Variants in COX7B2 observed in about 807,000 individuals in gnomAD.
COX7B2 encodes cytochrome c oxidase subunit 7B2, mitochondrial.
For missense variants in COX7B2, 109 were observed against 95.9 expected, an observed-to-expected ratio of 1.14 and a Z score of -0.57; for synonymous variants, 37 against 32.1, an observed-to-expected ratio of 1.15 and a Z score of -0.51.
At chr4:46,901,142 T>C (rs1291462683) in intron 1 of COX7B2, among the ~76,000 whole-genome samples, 1 of 152,238 alleles carries the variant, frequency 6.6e-6, no homozygotes, top group Non-Finnish European at 1.5e-5. Context: ...CATTGAGGTA[T>C]GAAGGGTGGC....
intron 2 of COX7B2, among the ~76,000 whole-genome samples, chr4:46,809,663 A>G (rs1719187180): frequency 6.6e-6 from 1 of 151,936 alleles, no homozygotes. Flanking sequence ...ATACATTTTT[A>G]AAGAAATGTT....
intron 1 of COX7B2, among the ~76,000 whole-genome samples, chr4:46,882,240 C>T (rs1472544419): frequency 6.6e-6 from 1 of 152,010 alleles, no homozygotes; most frequent in African/African-American, 2.4e-5. Context: ...GAGTATGTAC[C>T]ATTTGGCGAC....
chr4:46,743,511 T>G (rs1714834964), intron 2 of COX7B2, among the ~76,000 whole-genome samples: 1 of 152,220 alleles, frequency 6.6e-6, no homozygotes, highest in Non-Finnish European at 1.5e-5. Context: ...TTGACAGTGA[T>G]TCCAATTGAA....
At chr4:46,813,413 C>G (rs1050533140) in intron 2 of COX7B2, among the ~76,000 whole-genome samples, 1 of 152,042 alleles carries the variant, frequency 6.6e-6, no homozygotes, top group Admixed American at 6.6e-5. Flanking sequence ...TTCAAAAGCA[C>G]AGATAATGAA....
chr4:46,752,595 C>A (rs748678861), intron 2 of COX7B2, among the ~76,000 whole-genome samples: 8 of 152,110 alleles, frequency 5.3e-5, no homozygotes, highest in Non-Finnish European at 1.2e-4. Context: ...TACATCCTAT[C>A]AATACCTAAT....
At chr4:46,794,836 C>A (rs1010420372) in intron 2 of COX7B2, among the ~76,000 whole-genome samples, 1 of 152,200 alleles carries the variant, frequency 6.6e-6, no homozygotes, top group South Asian at 2.1e-4. Flanking sequence ...ATAGTAGGAG[C>A]CTACTAAATT....
intron 1 of COX7B2, among the ~76,000 whole-genome samples, chr4:46,907,753 CAAGTCAGATAACTCCAAG>C (rs1720480238): frequency 1.3e-5 from 2 of 150,294 alleles, no homozygotes; most frequent in Admixed American, 6.6e-5. Context: ...AATCGATGGC[CAAGTCAGATAACTCCAAG>C]ACTTGTCACA....
intron 2 of COX7B2, among the ~76,000 whole-genome samples, chr4:46,750,647 T>G (rs1451905092): frequency 1.3e-5 from 2 of 152,162 alleles, no homozygotes; most frequent in Non-Finnish European, 2.9e-5. Flanking sequence ...TCAGTCTGCC[T>G]AGGCTGCCCA....
At chr4:46,762,443 ATATATATAC>A (rs1716237146) in intron 2 of COX7B2, among the ~76,000 whole-genome samples, 1 of 136,952 alleles carries the variant, frequency 7.3e-6, no homozygotes, top group South Asian at 2.1e-4. Context: ...TATATACTGT[ATATATATAC>A]TATATATAGT....
chr4:46,776,214 T>TA (rs962340013), intron 2 of COX7B2, among the ~76,000 whole-genome samples: 3 of 151,942 alleles, frequency 2.0e-5, no homozygotes, highest in Non-Finnish European at 4.4e-5. Flanking sequence ...GGGTCTGCCC[T>TA]AAAAAAATTC....
At chr4:46,819,403 GACA>G (rs897958306) in intron 2 of COX7B2, among the ~76,000 whole-genome samples, 1 of 152,110 alleles carries the variant, frequency 6.6e-6, no homozygotes, top group African/African-American at 2.4e-5. Flanking sequence ...CACTAAAAGA[GACA>G]ACAATTACAA....
chr4:46,775,736 T>A (rs1717121471), intron 2 of COX7B2, among the ~76,000 whole-genome samples: 1 of 152,058 alleles, frequency 6.6e-6, no homozygotes, highest in African/African-American at 2.4e-5. Context: ...TATTACAAAT[T>A]AGAATAGGAA....
Position 46,897,480 on chromosome 4 carries a change from A to G in COX7B2, c.-105+11680T>C, listed in dbSNP as rs548270758. Among the ~76,000 whole-genome samples, 12 of 152,302 alleles carry G rather than the reference A, an allele frequency of 7.9e-5. No individual in the cohort carries two copies. In the South Asian group the frequency reaches 2.5e-3, roughly 32 times the overall value. ...GTCACCTTTCCTTTACTTCCATTCA[A>G]CGGACAGCATTTTAATTGTGGCTAA... On this transcript the variant is annotated intron_variant, in intron 1 of 2. Coordinates refer to ENST00000355591, the MANE Select transcript of COX7B2 (RefSeq NM_130902.3).
intron 1 of COX7B2, among the ~76,000 whole-genome samples, chr4:46,905,942 T>G (rs10033762): frequency 0.52 from 76,510 of 147,810 alleles, 19,919 homozygotes; most frequent in East Asian, 0.66. Context: ...CCATTCTCCT[T>G]CCTCAGCCTC....
At chr4:46,857,009 T>A (rs1560422583) in intron 1 of COX7B2, among the ~76,000 whole-genome samples, 1 of 152,226 alleles carries the variant, frequency 6.6e-6, no homozygotes, top group Non-Finnish European at 1.5e-5. Flanking sequence ...AAACTTCAAG[T>A]AATCAGATGT....
chr4:46,734,969 G>T lies in COX7B2; in HGVS notation c.224C>A (p.Pro75Gln), dbSNP rs767255171. 155 of 1,613,784 alleles carry T rather than the reference G, an allele frequency of 9.6e-5. No homozygotes were observed. The highest frequency in any genetic ancestry group is 1.3e-4 in the Non-Finnish European group (153 of 1,179,930). The change falls in exon 3 of 3, where the codon CCA becomes CAA. Residue 75 changes from proline (P) to glutamine (Q), a missense_variant. Transcript: ENST00000355591. ...WNLSPVGRVT[P>Q]KEWKHQ ...TGGTTACTGATGTTTCCACTCTTTTGGGGTAACTCTGCCAACAGGGGATAG... is the reference window on the plus strand; with the variant it reads ...TGGTTACTGATGTTTCCACTCTTTTTGGGTAACTCTGCCAACAGGGGATAG...
intron 2 of COX7B2, among the ~76,000 whole-genome samples, chr4:46,804,593 A>C (rs890876973): frequency 5.9e-5 from 9 of 152,162 alleles, no homozygotes; most frequent in African/African-American, 2.2e-4. Context: ...GAGTAGCTAG[A>C]TACAGAGTGT....
At chr4:46,885,218 A>G (rs1719011503) in intron 1 of COX7B2, among the ~76,000 whole-genome samples, 1 of 152,122 alleles carries the variant, frequency 6.6e-6, no homozygotes, top group Admixed American at 6.5e-5. Context: ...TATATAAGGC[A>G]CTACTGGATA....
At chr4:46,886,136 C>T (rs920246924) in intron 1 of COX7B2, among the ~76,000 whole-genome samples, 11 of 152,156 alleles carry the variant, frequency 7.2e-5, no homozygotes, top group African/African-American at 2.7e-4. Context: ...GCCAAAGCCA[C>T]TTGACTTTAG....
Sources: gnomAD v4.1 joint callset for allele counts (sites outside exome capture counted in the v4.1 genomes callset) on GRCh38, gnomAD v4.1.1 for gene constraint, MANE v1.5 for transcripts, NCBI Gene and HGNC (gene_info 2026-07-23, HGNC 2026-07-21) for gene names.